The following PDGFRA variants were observed in gnomAD, a reference collection of about 807,000 sequenced individuals.
The protein encoded by PDGFRA is platelet derived growth factor receptor alpha.
PDGFRA carries 25 observed loss-of-function variants against 121.5 expected under a neutral mutation model. That is an observed-to-expected ratio of 0.21 (90% CI 0.15 to 0.29). The LOEUF (loss-of-function observed/expected upper bound fraction) is 0.29. Ranked by LOEUF, PDGFRA falls within the 10% of genes least tolerant of loss-of-function variation. The pLI, the probability that PDGFRA is intolerant of heterozygous loss-of-function variation, is 1.00. For synonymous variants in PDGFRA, 463 were observed against 494.8 expected (o/e 0.94, Z 0.85); for missense variants, 1,008 against 1,345.1 (o/e 0.75, Z 3.92).
rs111670325 is a variant in PDGFRA, at chr4:54,278,757, A to G, written c.2156+242A>G. On this transcript the variant is annotated intron_variant, in intron 15 of 22. Coordinates refer to ENST00000257290, the MANE Select transcript of PDGFRA (RefSeq NM_006206.6). ...TGATAGGTTTGAATGAGAGTGAGTT[A>G]GAATGACTCTGGGAGCTCTTCTGCT... 719 of 646,142 alleles carry G rather than the reference A, an allele frequency of 1.1e-3. 6 individuals are homozygous for G. Among genetic ancestry groups the G allele is most frequent in the African/African-American group, 0.011 (620 of 56,146 alleles). The allele number at this position is 646,142 out of a possible 1,614,324, so 40.0% of individuals were successfully genotyped here.
intron 1 of PDGFRA, among the ~76,000 whole-genome samples, chr4:54,258,414 C>T (rs907481725): frequency 3.9e-5 from 6 of 151,962 alleles, no homozygotes; most frequent in East Asian, 1.9e-4. Flanking sequence ...TTAATTGAAA[C>T]GTGAAAATCA....
At chr4:54,255,600 G>C (rs549419601) in intron 1 of PDGFRA, among the ~76,000 whole-genome samples, 3 of 151,568 alleles carry the variant, frequency 2.0e-5, no homozygotes, top group Non-Finnish European at 4.4e-5. Flanking sequence ...CCACCTCCTG[G>C]GTTCACGCCA....
intron 15 of PDGFRA, 73 bp downstream of exon 15, chr4:54,278,588 A>G (rs1357654900): frequency 6.9e-7 from 1 of 1,439,428 alleles, no homozygotes; most frequent in Non-Finnish European, 9.8e-7. Context: ...CCATGTCCTG[A>G]TAGATATCAT....
chr4:54,234,451 C>A (rs927351912), intron 1 of PDGFRA, among the ~76,000 whole-genome samples: 3 of 152,242 alleles, frequency 2.0e-5, no homozygotes, highest in African/African-American at 7.2e-5. Context: ...CTCGTAAGAA[C>A]TACTGCGACC....
At chr4:54,289,269 T>C (rs1404890266) in intron 21 of PDGFRA, among the ~76,000 whole-genome samples, 155 bp downstream of exon 21, 1 of 152,200 alleles carries the variant, frequency 6.6e-6, no homozygotes, top group African/African-American at 2.4e-5. Flanking sequence ...CACGAGACCC[T>C]AGTAGCAATG....
Position 54,240,634 on chromosome 4 carries a change from C to G in PDGFRA, c.-13+11219C>G, listed in dbSNP as rs533251204. Among the ~76,000 whole-genome samples, 8 of 152,290 alleles carry G rather than the reference C, an allele frequency of 5.3e-5. No homozygotes were observed. The South Asian group carries it at 1.7e-3, about 32-fold the overall frequency. ...CTTTGCTCCAGGAGGTGGGAATTTGCAGGGGAAAATAATTGGGCTCTCCCT... is the reference window on the plus strand; with the variant it reads ...CTTTGCTCCAGGAGGTGGGAATTTGGAGGGGAAAATAATTGGGCTCTCCCT... On this transcript the variant is annotated intron_variant, in intron 1 of 22. Coordinates refer to ENST00000257290, the MANE Select transcript of PDGFRA (RefSeq NM_006206.6).
In PDGFRA at chr4:54,246,416, C is replaced by T. The variant is rs1170453426; in HGVS notation, c.-12-12341C>T. On this transcript the variant is annotated intron_variant, in intron 1 of 22. Coordinates refer to ENST00000257290, the MANE Select transcript of PDGFRA (RefSeq NM_006206.6). Reference sequence around the variant, plus strand: ...CCAGAACTCAGGATTAAGAAACTCACTGAAAACTGCTCAACTACATGGAAA... The same window carrying T: ...CCAGAACTCAGGATTAAGAAACTCATTGAAAACTGCTCAACTACATGGAAA... 9.2e-5 allele frequency among the ~76,000 whole-genome samples: 14 copies of T among 152,336 alleles called. 1 individual carries two copies. In the South Asian group the frequency reaches 2.5e-3, roughly 27 times the overall value.
At position 54,267,549 on chromosome 4, in the gene PDGFRA, CAGAG is replaced by C; in HGVS notation, c.932-1_934del. ...TATTTAATGGAAACTCTTCCCTGTACAGAGAAAGGTTTCATTGAAATCAAACCCA... is the reference window on the plus strand; with the variant it reads ...TATTTAATGGAAACTCTTCCCTGTACAAAGGTTTCATTGAAATCAAACCCA... On this transcript the variant is annotated splice_acceptor_variant and coding_sequence_variant, in exon 7 of 23. Transcript: ENST00000257290. LOFTEE classifies it high-confidence loss of function. 6.2e-7 allele frequency: 1 copy of C among 1,614,132 alleles called. No homozygotes were observed. The highest frequency in any genetic ancestry group is 8.5e-7 in the Non-Finnish European group (1 of 1,179,994).
chr4:54,231,756 A>G (rs183690870), intron 1 of PDGFRA, among the ~76,000 whole-genome samples: 208 of 152,340 alleles, frequency 1.4e-3, no homozygotes, highest in African/African-American at 4.9e-3. Flanking sequence ...CACAAGAGTG[A>G]GGGGAAGCCA....
chr4:54,235,133 A>T (rs1168569152), intron 1 of PDGFRA, among the ~76,000 whole-genome samples: 1 of 152,240 alleles, frequency 6.6e-6, no homozygotes, highest in Non-Finnish European at 1.5e-5. Flanking sequence ...CTGCGTAGAA[A>T]AAGGAAAATG....
intron 16 of PDGFRA, among the ~76,000 whole-genome samples, chr4:54,283,756 T>C (rs1389074141): frequency 6.6e-6 from 1 of 152,230 alleles, no homozygotes; most frequent in African/African-American, 2.4e-5. Context: ...TTTTATGCTC[T>C]GCTTCCCTTT....
At chr4:54,278,634 G>C in intron 15 of PDGFRA, 119 bp downstream of exon 15, 1 of 921,384 alleles carries the variant, frequency 1.1e-6, no homozygotes, top group South Asian at 1.4e-5. Context: ...GCAAGACTTA[G>C]AGTCAAACCA....
intron 1 of PDGFRA, among the ~76,000 whole-genome samples, chr4:54,245,732 A>G (rs1419674139): frequency 2.0e-5 from 3 of 152,216 alleles, no homozygotes; most frequent in Non-Finnish European, 2.9e-5. Context: ...TTAAATGTAA[A>G]TGGACTAAAT....
Position 54,295,388 on chromosome 4 carries a change from A to C in PDGFRA, c.*116A>C. On this transcript the variant is annotated 3_prime_UTR_variant, in exon 23 of 23. Coordinates refer to ENST00000257290, the MANE Select transcript of PDGFRA (RefSeq NM_006206.6). ...AGGACTTGGTTGATGTTTAAAGAGA[A>C]GTTCCCAGCCAAGGGCCTCGGGGAG... 9.6e-7 allele frequency: 1 copy of C among 1,037,778 alleles called. No homozygotes were observed. Among genetic ancestry groups the C allele is most frequent in the Non-Finnish European group, 1.5e-6 (1 of 676,254 alleles). 64.3% of individuals were successfully genotyped at this position (1,037,778 alleles called of 1,614,324 possible).
intron 13 of PDGFRA, 64 bp from the exon 14 acceptor site, chr4:54,277,832 T>A (rs1723822163): frequency 9.0e-7 from 1 of 1,108,164 alleles, no homozygotes; most frequent in Non-Finnish European, 1.4e-6. Context: ...TATTCTTGGT[T>A]TTTTTCTGAG....
chr4:54,233,357 TC>T (rs964747371), intron 1 of PDGFRA, among the ~76,000 whole-genome samples: 1 of 151,760 alleles, frequency 6.6e-6, no homozygotes, highest in African/African-American at 2.4e-5. Flanking sequence ...GCGCAGAGCC[TC>T]CCGGGCGAAG....
At chr4:54,285,609 C>CT (rs2110336560) in intron 17 of PDGFRA, 123 bp downstream of exon 17, 1 of 738,952 alleles carries the variant, frequency 1.4e-6, no homozygotes, top group East Asian at 2.6e-5. Flanking sequence ...TTACCTGTCT[C>CT]TCTCCTTCAT....
At chr4:54,230,086 G>A (rs1720578594) in intron 1 of PDGFRA, 1 of 153,016 alleles carries the variant, frequency 6.5e-6, no homozygotes, top group African/African-American at 2.4e-5. Flanking sequence ...GTGATTACTG[G>A]ACGGCGCTGC....
chr4:54,278,789 A>G (rs578044968), intron 15 of PDGFRA: 3 of 591,136 alleles, frequency 5.1e-6, no homozygotes, highest in Non-Finnish European at 9.5e-6. Flanking sequence ...TGCTATTTAC[A>G]TGTGATCCAC....
Sources: gnomAD v4.1 joint callset for allele counts (sites outside exome capture counted in the v4.1 genomes callset) on GRCh38, gnomAD v4.1.1 for gene constraint, MANE v1.5 for transcripts, NCBI Gene and HGNC (gene_info 2026-07-23, HGNC 2026-07-21) for gene names.